SFMBT2: variants seen among roughly 807,000 people sequenced by gnomAD.
The protein encoded by SFMBT2 is scm-like with four MBT domains protein 2.
SFMBT2 carries 38 observed loss-of-function variants against 110.1 expected under a neutral mutation model. That is an observed-to-expected ratio of 0.35 (90% CI 0.27 to 0.45). SFMBT2 has a LOEUF of 0.45. SFMBT2 is among the 20% of genes least tolerant of loss of function. SFMBT2 has a pLI of 1.00. For synonymous variants in SFMBT2, 425 were observed against 425.4 expected (o/e 1.00, Z 0.01); for missense variants, 1,011 against 1,094.9 (o/e 0.92, Z 1.08).
At chr10:7,336,980 A>G (rs569593106) in intron 4 of SFMBT2, among the ~76,000 whole-genome samples, 72 of 152,320 alleles carry the variant, frequency 4.7e-4, no homozygotes, top group African/African-American at 1.7e-3. Context: ...TACAGTATCA[A>G]CTGTTGGAGT....
In SFMBT2 at chr10:7,288,104, T is replaced by C. The variant is rs146804283; in HGVS notation, c.437-2150A>G. On this transcript the variant is annotated intron_variant, in intron 4 of 20. Transcript: ENST00000397167. Reference sequence around the variant, plus strand: ...ATTATTCATACCCATGACTTCTAGATTGAAACTTCCAATGAGCTTTCACAG... The same window carrying C: ...ATTATTCATACCCATGACTTCTAGACTGAAACTTCCAATGAGCTTTCACAG... 3.0e-4 allele frequency among the ~76,000 whole-genome samples: 46 copies of C among 152,352 alleles called. No individual in the cohort carries two copies. In the East Asian group the frequency reaches 7.5e-3, roughly 25 times the overall value.
At chr10:7,325,536 A>G (rs2131945613) in intron 4 of SFMBT2, among the ~76,000 whole-genome samples, 1 of 152,338 alleles carries the variant, frequency 6.6e-6, no homozygotes, top group Non-Finnish European at 1.5e-5. Flanking sequence ...ATACATATTC[A>G]GAGGTAACAA....
At chr10:7,267,769 C>G (rs1272753899) in intron 7 of SFMBT2, among the ~76,000 whole-genome samples, 1 of 152,044 alleles carries the variant, frequency 6.6e-6, no homozygotes, top group Non-Finnish European at 1.5e-5. Context: ...TTAAAGAACA[C>G]AAAAAAGTTC....
chr10:7,227,717 A>C (rs766976596), intron 10 of SFMBT2, 138 bp downstream of exon 10: 2 of 714,660 alleles, frequency 2.8e-6, no homozygotes, highest in Non-Finnish European at 4.6e-6. Flanking sequence ...AGAGCTTTCC[A>C]AAAACTACAG....
At chr10:7,252,513 G>A (rs553553491) in intron 7 of SFMBT2, among the ~76,000 whole-genome samples, 33 of 152,240 alleles carry the variant, frequency 2.2e-4, no homozygotes, top group Non-Finnish European at 2.6e-4. Flanking sequence ...TCCTGTGCTC[G>A]AACGTCCATC....
intron 4 of SFMBT2, among the ~76,000 whole-genome samples, chr10:7,333,033 A>G (rs1006069258): frequency 6.6e-6 from 1 of 152,000 alleles, no homozygotes; most frequent in Non-Finnish European, 1.5e-5. Context: ...CGCCCAGCTA[A>G]TTTTTGTACT....
intron 1 of SFMBT2, among the ~76,000 whole-genome samples, chr10:7,400,026 C>T (rs1164481293): frequency 2.0e-5 from 3 of 152,270 alleles, no homozygotes; most frequent in South Asian, 2.1e-4. Flanking sequence ...TTTGACAAGC[C>T]GGAGGAATGG....
chr10:7,306,528 C>G (rs1454129105), intron 4 of SFMBT2, among the ~76,000 whole-genome samples: 2 of 152,038 alleles, frequency 1.3e-5, no homozygotes, highest in Non-Finnish European at 2.9e-5. Flanking sequence ...ACTCTGTGGC[C>G]TTTTACAGAA....
At chr10:7,215,212 G>A (rs1712010407) in intron 11 of SFMBT2, among the ~76,000 whole-genome samples, 1 of 152,160 alleles carries the variant, frequency 6.6e-6, no homozygotes, top group African/African-American at 2.4e-5. Context: ...ACCACCCTGG[G>A]CAACATAGTG....
At chr10:7,286,304 A>C in intron 4 of SFMBT2, 1 of 471,888 alleles carries the variant, frequency 2.1e-6, no homozygotes, top group Middle Eastern at 1.0e-3. Flanking sequence ...GGGAAATCAG[A>C]GAAAGGCTTT....
intron 4 of SFMBT2, among the ~76,000 whole-genome samples, chr10:7,355,996 A>C (rs150840124): frequency 6.6e-6 from 1 of 152,282 alleles, no homozygotes; most frequent in African/African-American, 2.4e-5. Flanking sequence ...TTTATCTCTT[A>C]CTCTGACAGT....
At chr10:7,216,787 C>A (rs1357746184) in intron 11 of SFMBT2, among the ~76,000 whole-genome samples, 2 of 152,212 alleles carry the variant, frequency 1.3e-5, no homozygotes, top group African/African-American at 4.8e-5. Context: ...TAAAATGCAA[C>A]TGTTGCTATT....
chr10:7,186,497 G>C (rs1295633481), intron 16 of SFMBT2, among the ~76,000 whole-genome samples: 1 of 141,806 alleles, frequency 7.1e-6, no homozygotes, highest in Non-Finnish European at 1.5e-5. Context: ...TTGTTGTAGA[G>C]ACAGGGTCTT....
intron 15 of SFMBT2, among the ~76,000 whole-genome samples, chr10:7,196,432 T>A (rs1240449920): frequency 6.6e-6 from 1 of 152,146 alleles, no homozygotes; most frequent in Non-Finnish European, 1.5e-5. Flanking sequence ...TCCTACACAC[T>A]CTGCCTAAGC....
chr10:7,217,872 C>G (rs1409677189), intron 11 of SFMBT2, among the ~76,000 whole-genome samples: 4 of 152,188 alleles, frequency 2.6e-5, no homozygotes, highest in Non-Finnish European at 5.9e-5. Flanking sequence ...CATCAGTCAC[C>G]CTTGCTAACT....
At chr10:7,305,378 A>T (rs1372875541) in intron 4 of SFMBT2, among the ~76,000 whole-genome samples, 3 of 152,198 alleles carry the variant, frequency 2.0e-5, no homozygotes, top group Non-Finnish European at 4.4e-5. Flanking sequence ...TCCCTCCCCG[A>T]GTTCCTGTAT....
At chr10:7,164,068 T>G (rs1473075311) in intron 20 of SFMBT2, 158 bp from the exon 21 acceptor site, 1 of 985,344 alleles carries the variant, frequency 1.0e-6, no homozygotes, top group Non-Finnish European at 1.2e-6. Context: ...CCCGGCTTGA[T>G]GACTGTCTAA....
intron 4 of SFMBT2, among the ~76,000 whole-genome samples, chr10:7,354,497 G>A (rs992805798): frequency 1.3e-5 from 2 of 152,132 alleles, no homozygotes; most frequent in Admixed American, 6.5e-5. Context: ...GAGAGAAGAC[G>A]GGACAGGTGG....
intron 7 of SFMBT2, among the ~76,000 whole-genome samples, chr10:7,263,229 TTTC>T (rs1841269773): frequency 7.1e-6 from 1 of 141,424 alleles, no homozygotes; most frequent in Non-Finnish European, 1.6e-5. Context: ...ACAGCCTCTA[TTTC>T]TTTTCTTTTC....
Sources: gnomAD v4.1 joint callset for allele counts (sites outside exome capture counted in the v4.1 genomes callset) on GRCh38, gnomAD v4.1.1 for gene constraint, MANE v1.5 for transcripts, NCBI Gene and HGNC (gene_info 2026-07-23, HGNC 2026-07-21) for gene names.